Variants in NOTCH2 observed in about 807,000 individuals in gnomAD.
NOTCH2 encodes the protein notch receptor 2, also known as neurogenic locus notch homolog protein 2.
NOTCH2 carries 29 observed loss-of-function variants against 235.8 expected under a neutral mutation model. The ratio of observed to expected loss-of-function variants is 0.12; its 90% CI spans 0.09 to 0.17. NOTCH2 has a LOEUF of 0.17. Among genes scored for constraint, NOTCH2 ranks in the 10% least tolerant of loss-of-function variants. NOTCH2 has a pLI of 1.00. For synonymous variants in NOTCH2, 1,086 were observed against 1,141.5 expected, an observed-to-expected ratio of 0.95 and a Z score of 0.98; for missense variants, 2,285 against 3,150.2, an observed-to-expected ratio of 0.73 and a Z score of 6.57.
rs1557817038 is a variant in NOTCH2 at position 119,948,413 on chromosome 1, C to A, written c.2752+1G>T. ...GCTTAAGAGCTGACTGGCATACTCA[C>A]TGGCAAGGCAGTCATCAATGTCCTC... On this transcript the variant is annotated splice_donor_variant, in intron 17 of 33. Transcript: ENST00000256646. LOFTEE classifies it high-confidence loss of function. 6.2e-7 allele frequency: 1 copy of A among 1,614,002 alleles called. No homozygotes were observed. Among genetic ancestry groups the A allele is most frequent in the Non-Finnish European group, 8.5e-7 (1 of 1,180,042 alleles).
At chr1:119,947,258 T>C (rs946790320) in intron 17 of NOTCH2, among the ~76,000 whole-genome samples, 3 of 152,190 alleles carry the variant, frequency 2.0e-5, no homozygotes, top group Non-Finnish European at 4.4e-5. Context: ...AGGGAAATCA[T>C]TGGGAAGCAA....
intron 2 of NOTCH2, among the ~76,000 whole-genome samples, chr1:120,015,355 G>C (rs1161025813): frequency 3.3e-5 from 5 of 152,048 alleles, no homozygotes; most frequent in African/African-American, 9.7e-5. Context: ...AGCTCTAGAG[G>C]GGGGAGCTGT....
At position 119,948,455 on chromosome 1, in the gene NOTCH2, C is replaced by T; in HGVS notation, c.2711G>A (p.Ser904Asn). The T allele has an allele frequency of 6.2e-7, 1 of 1,614,234 alleles. No homozygotes were observed. The highest frequency in any genetic ancestry group is 8.5e-7 in the Non-Finnish European group (1 of 1,180,048). ...SYMCECPPGFSGMDCEEDIDD... is the reference protein window; with the variant it reads ...SYMCECPPGFNGMDCEEDIDD... ...AATGTCCTCCTCACAGTCCATACCA[C>T]TGAAGCCTGGTGGACATTCACACAT... Residue 904 changes from serine to asparagine, a missense_variant, in exon 17 of 34, where the codon AGT becomes AAT. Around this residue, in one of 6 missense-constraint regions of NOTCH2, gnomAD observed 1,173 missense variants for 1,515.3 expected, o/e 0.77. Coordinates refer to ENST00000256646, the MANE Select transcript of NOTCH2 (RefSeq NM_024408.4).
At chr1:119,952,043 T>C (rs951658588) in intron 14 of NOTCH2, among the ~76,000 whole-genome samples, 3 of 152,216 alleles carry the variant, frequency 2.0e-5, no homozygotes, top group African/African-American at 2.4e-5. Context: ...TGCTGATGTA[T>C]CACAATAGCA....
rs2101162185 is a variant in NOTCH2, at chr1:119,925,492, C to T, written c.4324G>A (p.Ala1442Thr). The T allele has an allele frequency of 6.2e-7, 1 of 1,614,180 alleles. No individual in the cohort carries two copies. The highest frequency in any genetic ancestry group is 8.5e-7 in the Non-Finnish European group (1 of 1,180,038). The change falls in exon 25 of 34, where the codon GCC (alanine) becomes ACC (threonine). Residue 1442 changes from alanine to threonine, a missense_variant. By Grantham distance (58) the Ala-to-Thr change is moderately conservative. Transcript: ENST00000256646. ...DKARDGVCDE[A>T]CNSHACQWDG... ...CACTGGCAGGCATGGCTGTTGCAGG[C>T]CTCATCACAGACGCCATCCCGAGCT...
chr1:119,973,557 CAG>C (rs1651450935), intron 5 of NOTCH2, among the ~76,000 whole-genome samples: 1 of 152,134 alleles, frequency 6.6e-6, no homozygotes. Context: ...TTGACTGCAG[CAG>C]AGTTGAGTAT....
chr1:119,967,527 A>T lies in NOTCH2; in HGVS notation c.1359T>A (p.Cys453Ter). 1 of 1,613,686 alleles carries T rather than the reference A, an allele frequency of 6.2e-7. No individual in the cohort carries two copies. Among genetic ancestry groups the T allele is most frequent in the Non-Finnish European group, 8.5e-7 (1 of 1,179,580 alleles). ...AATGGCACTCATTGATGTCCATCTC[A>T]CAACGAGGTCCTGCATAACCCTTCA... ...ECLKGYAGPR[C>*]EMDINECHSD... The change falls in exon 8 of 34, where the codon TGT becomes TGA. Residue 453 changes from cysteine to a stop codon, truncating the protein, a stop_gained. Transcript: ENST00000256646. LOFTEE classifies it high-confidence loss of function.
intron 1 of NOTCH2, among the ~76,000 whole-genome samples, chr1:120,039,725 GT>G (rs1223984526): frequency 1.3e-5 from 2 of 151,680 alleles, no homozygotes; most frequent in African/African-American, 4.8e-5. Context: ...GTACAGCTTA[GT>G]TTTTTTAAGT....
Position 120,069,176 on chromosome 1 carries a change from C to T in NOTCH2, c.73+158G>A, listed in dbSNP as rs587709272. The T allele has an allele frequency of 4.3e-5, 66 of 1,527,788 alleles. No individual in the cohort carries two copies. In the African/African-American group the frequency reaches 7.4e-4, roughly 17 times the overall value. The allele number at this position is 1,527,788 out of a possible 1,614,324, so 94.6% of individuals were successfully genotyped here. ...GGCGGGGCACCACGGGAGGGGCCCC[C>T]GGCGATGTCCAAACTCTTGGGAACC... On this transcript the variant is annotated intron_variant, in intron 1 of 33. Transcript: ENST00000256646.
At chr1:119,924,491 CAG>C (rs767780519) in intron 25 of NOTCH2, among the ~76,000 whole-genome samples, 4 of 152,162 alleles carry the variant, frequency 2.6e-5, no homozygotes, top group Non-Finnish European at 5.9e-5. Context: ...AAGGTAAAGG[CAG>C]ATGGGTATGT....
chr1:120,029,634 C>A (rs1553210669), intron 2 of NOTCH2, among the ~76,000 whole-genome samples: 1 of 151,956 alleles, frequency 6.6e-6, no homozygotes. Flanking sequence ...CCAGCATGAG[C>A]CACCATGCCT....
chr1:119,940,418 T>A (rs587604620), intron 19 of NOTCH2, 137 bp downstream of exon 19: 1 of 744,426 alleles, frequency 1.3e-6, no homozygotes, highest in East Asian at 2.5e-5. Context: ...TATTAAGAAG[T>A]TACCTAGATT....
chr1:120,053,665 T>G (rs1432008245), intron 1 of NOTCH2, among the ~76,000 whole-genome samples: 1 of 141,764 alleles, frequency 7.1e-6, no homozygotes, highest in African/African-American at 2.9e-5. Context: ...ATCCATAATC[T>G]TGCGTTGGCC....
intron 4 of NOTCH2, chr1:119,994,065 TG>T (rs1553203652): frequency 2.2e-5 from 1 of 46,166 alleles, no homozygotes; most frequent in East Asian, 4.8e-4. Flanking sequence ...CTTTGCCTCC[TG>T]CTGACTTTGT....
intron 25 of NOTCH2, among the ~76,000 whole-genome samples, chr1:119,924,762 T>C (rs1391982541): frequency 6.6e-6 from 1 of 152,218 alleles, no homozygotes; most frequent in African/African-American, 2.4e-5. Context: ...AGAATGTTAG[T>C]AATACCTATG....
chr1:119,946,185 A>T (rs1650249094), intron 17 of NOTCH2, among the ~76,000 whole-genome samples: 1 of 152,110 alleles, frequency 6.6e-6, no homozygotes, highest in Non-Finnish European at 1.5e-5. Context: ...AGGAAAACCA[A>T]ACTTGTAGTT....
intron 7 of NOTCH2, 75 bp downstream of exon 7, chr1:119,968,002 A>T: frequency 1.3e-6 from 2 of 1,560,036 alleles, no homozygotes; most frequent in Non-Finnish European, 1.8e-6. Context: ...CTTCTACAGT[A>T]AAATGTGCTT....
At position 119,915,664 on chromosome 1, in the gene NOTCH2, A is replaced by C. The variant is rs1649039098; in HGVS notation, c.7058T>G (p.Phe2353Cys). Residue 2353 changes from phenylalanine to cysteine, a missense_variant, in exon 34 of 34, where the codon TTC becomes TGC. This residue lies in a region of NOTCH2 where 504 missense variants were observed against 538.0 expected (regional missense o/e 0.94). Coordinates refer to ENST00000256646, the MANE Select transcript of NOTCH2 (RefSeq NM_024408.4). ...CTGCTGGGGCATCATGGCAGTGGGG[A>C]AAGCCACACTGGGCAAACGGGCCAT... ...PEMARLPSVA[F>C]PTAMMPQQDG... is the part of the protein sequence containing the mutation. 1 of 1,613,896 alleles carries C rather than the reference A, an allele frequency of 6.2e-7. No homozygotes were observed.
intron 2 of NOTCH2, among the ~76,000 whole-genome samples, chr1:120,015,534 CT>C (rs1194704618): frequency 4.2e-5 from 6 of 141,402 alleles, no homozygotes; most frequent in Admixed American, 1.4e-4. Flanking sequence ...TCTGTCCCCC[CT>C]GTTAAAGTAG....
Sources: gnomAD v4.1 joint callset for allele counts (sites outside exome capture counted in the v4.1 genomes callset) on GRCh38, gnomAD v4.1.1 for gene constraint, gnomAD v4.1.1 regional missense constraint, MANE v1.5 for transcripts, NCBI Gene and HGNC (gene_info 2026-07-23, HGNC 2026-07-21) for gene names.